Variants in RAD51C observed in about 807,000 individuals in gnomAD.
RAD51C encodes DNA repair protein RAD51 homolog 3.
A neutral mutation model predicts 45.0 loss-of-function variants in RAD51C; 42 were observed. The observed-to-expected ratio is 0.93, with a 90% CI of 0.73 to 1.21. The LOEUF (loss-of-function observed/expected upper bound fraction) is 1.21. RAD51C is among the 50% of genes most tolerant of loss of function. The pLI is 0.00. For synonymous variants in RAD51C, 172 were observed against 159.8 expected (o/e 1.08, Z -0.58); for missense variants, 474 against 452.2 (o/e 1.05, Z -0.44).
At chr17:58,717,457 G>A (rs1023830245) in intron 5 of RAD51C, among the ~76,000 whole-genome samples, 6 of 151,752 alleles carry the variant, frequency 4.0e-5, no homozygotes, top group Non-Finnish European at 7.4e-5. Flanking sequence ...AAAAGCTGCC[G>A]GCCGGGTGTG....
intron 5 of RAD51C, among the ~76,000 whole-genome samples, chr17:58,711,297 G>A (rs1170157857): frequency 1.3e-5 from 2 of 151,992 alleles, no homozygotes; most frequent in East Asian, 1.9e-4. Context: ...AAATATAAAC[G>A]TCCTAACATG....
At chr17:58,724,197 TAC>T in intron 7 of RAD51C, 97 bp downstream of exon 7, 1 of 1,180,728 alleles carries the variant, frequency 8.5e-7, no homozygotes, top group Non-Finnish European at 1.2e-6. Context: ...GGATGAGATA[TAC>T]AGTGACCCAT....
At chr17:58,713,081 G>A (rs541159239) in intron 5 of RAD51C, among the ~76,000 whole-genome samples, 11 of 150,080 alleles carry the variant, frequency 7.3e-5, no homozygotes, top group African/African-American at 2.7e-4. Flanking sequence ...AGCTGAGATC[G>A]CACCACTGCA....
chr17:58,715,135 A>C (rs1386765916), intron 5 of RAD51C, among the ~76,000 whole-genome samples: 1 of 143,470 alleles, frequency 7.0e-6, no homozygotes, highest in African/African-American at 2.8e-5. Context: ...ATTATTAAAA[A>C]AAAAAAAACA....
chr17:58,699,828 A>G (rs1000950166), intron 3 of RAD51C: 1 of 152,036 alleles, frequency 6.6e-6, no homozygotes, highest in Non-Finnish European at 1.5e-5. Flanking sequence ...CTAAAAATTT[A>G]CTGTACCTTC....
chr17:58,698,559 C>T (rs538511844), intron 3 of RAD51C, among the ~76,000 whole-genome samples: 1 of 151,548 alleles, frequency 6.6e-6, no homozygotes, highest in African/African-American at 2.4e-5. Flanking sequence ...GAACTCCTGA[C>T]CTCAGGTGAT....
chr17:58,725,151 G>A (rs766154806), intron 7 of RAD51C, among the ~76,000 whole-genome samples: 50 of 152,008 alleles, frequency 3.3e-4, no homozygotes, highest in Admixed American at 8.5e-4. Context: ...CTTTACTATT[G>A]ACTGTCGCCC....
chr17:58,713,312 A>G (rs1253417238), intron 5 of RAD51C, among the ~76,000 whole-genome samples: 3 of 151,858 alleles, frequency 2.0e-5, no homozygotes, highest in South Asian at 4.1e-4. Flanking sequence ...TGACTGTAGC[A>G]TAGGTTTTTT....
chr17:58,695,245 G>A, intron 2 of RAD51C, 56 bp downstream of exon 2: 1 of 1,549,546 alleles, frequency 6.5e-7, no homozygotes, highest in Non-Finnish European at 8.7e-7. Flanking sequence ...TATGAAAGTA[G>A]TATTTTGTAC....
intron 5 of RAD51C, among the ~76,000 whole-genome samples, chr17:58,717,888 A>G (rs1458162513): frequency 6.6e-6 from 1 of 152,180 alleles, no homozygotes; most frequent in African/African-American, 2.4e-5. Flanking sequence ...CTTGGTATCT[A>G]ATTGAGATCT....
At chr17:58,720,120 A>G (rs780134999) in intron 5 of RAD51C, among the ~76,000 whole-genome samples, 8 of 151,250 alleles carry the variant, frequency 5.3e-5, no homozygotes, top group Non-Finnish European at 1.2e-4. Context: ...ATTTCATATT[A>G]CTAAAATCAC....
At chr17:58,710,369 G>GC (rs2048518351) in intron 5 of RAD51C, among the ~76,000 whole-genome samples, 1 of 148,638 alleles carries the variant, frequency 6.7e-6, no homozygotes, top group Non-Finnish European at 1.5e-5. Context: ...GTGGTGGCAT[G>GC]CCCCTGTAAT....
intron 1 of RAD51C, 32 bp downstream of exon 1, chr17:58,692,820 C>T (rs976614805): frequency 6.2e-7 from 1 of 1,613,756 alleles, no homozygotes; most frequent in African/African-American, 1.3e-5. Context: ...CTGAGGCACA[C>T]CGGCCGCCGT....
intron 8 of RAD51C, 149 bp from the exon 9 acceptor site, chr17:58,733,969 G>A (rs1390892311): frequency 4.3e-5 from 53 of 1,230,648 alleles, no homozygotes; most frequent in Non-Finnish European, 5.6e-5. Flanking sequence ...GCCCACCTCA[G>A]CCTCCCAAAG....
At chr17:58,716,383 T>A (rs1368373113) in intron 5 of RAD51C, among the ~76,000 whole-genome samples, 1 of 152,188 alleles carries the variant, frequency 6.6e-6, no homozygotes, top group Non-Finnish European at 1.5e-5. Context: ...TACAGTCTAG[T>A]ACAGTAGCTG....
At chr17:58,718,318 TA>T (rs2048808813) in intron 5 of RAD51C, among the ~76,000 whole-genome samples, 1 of 152,226 alleles carries the variant, frequency 6.6e-6, no homozygotes, top group Middle Eastern at 3.4e-3. Context: ...TTTTCTTACA[TA>T]AAAAACTCAT....
intron 4 of RAD51C, among the ~76,000 whole-genome samples, chr17:58,706,789 T>A (rs958228629): frequency 1.3e-5 from 2 of 152,218 alleles, no homozygotes; most frequent in African/African-American, 4.8e-5. Context: ...AAACTAGCAG[T>A]GTTTCTGCTG....
chr17:58,695,451 T>A (rs762492010), intron 2 of RAD51C: 19 of 924,234 alleles, frequency 2.1e-5, no homozygotes, highest in Non-Finnish European at 2.7e-5. Flanking sequence ...AGTTTCTGCG[T>A]TATTCATTCC....
At chr17:58,730,246 C>T (rs2049362344) in intron 7 of RAD51C, among the ~76,000 whole-genome samples, 1 of 149,876 alleles carries the variant, frequency 6.7e-6, no homozygotes. Flanking sequence ...CTCACTGCAA[C>T]CTCCACCTCC....
Sources: allele counts gnomAD v4.1 joint callset (sites outside exome capture counted in the v4.1 genomes callset), GRCh38; gene constraint gnomAD v4.1.1; transcripts MANE v1.5; gene names NCBI Gene and HGNC (gene_info 2026-07-23, HGNC 2026-07-21).